L2HGDH: variants seen among roughly 807,000 people sequenced by gnomAD.
The protein encoded by L2HGDH is L-2-hydroxyglutarate dehydrogenase.
A neutral mutation model predicts 51.5 loss-of-function variants in L2HGDH; 34 were observed. The ratio of observed to expected loss-of-function variants is 0.66; its 90% confidence interval spans 0.50 to 0.88. The LOEUF is 0.88. L2HGDH is among the 40% of genes least tolerant of loss of function. The probability of loss-of-function intolerance (pLI) is 0.00; values close to 1 mark genes in which losing one functional copy is unlikely to be tolerated. For synonymous variants in L2HGDH, 198 were observed against 197.9 expected, an observed-to-expected ratio of 1.00 and a Z score of -0.01; for missense variants, 558 against 571.9, an observed-to-expected ratio of 0.98 and a Z score of 0.25.
rs927347496 is a variant in L2HGDH, at chr14:50,246,926, T to C, written c.*132A>G. The C allele has an allele frequency of 7.4e-7, 1 of 1,357,652 alleles. No homozygotes were observed. Among genetic ancestry groups the C allele is most frequent in the East Asian group, 2.5e-5 (1 of 39,476 alleles). The allele number at this position is 1,357,652 out of a possible 1,614,324, so 84.1% of individuals were successfully genotyped here. On this transcript the variant is annotated 3_prime_UTR_variant, in exon 10 of 10. Transcript: ENST00000267436. Reference sequence around the variant, plus strand: ...AATTATTATTTCTATGTTACATCATTTTAACAATGCAGTGGTTATCTTTGA... The same window carrying C: ...AATTATTATTTCTATGTTACATCATCTTAACAATGCAGTGGTTATCTTTGA...
intron 1 of L2HGDH, chr14:50,311,500 A>T: frequency 2.2e-6 from 1 of 456,190 alleles, no homozygotes; most frequent in East Asian, 6.9e-5. Context: ...CAGGACACTG[A>T]ATTCTGCGGG....
At chr14:50,307,581 G>A (rs1388529215) in intron 1 of L2HGDH, among the ~76,000 whole-genome samples, 1 of 152,096 alleles carries the variant, frequency 6.6e-6, no homozygotes. Context: ...GCTTTTTATG[G>A]AAAAGTTCAT....
At chr14:50,293,725 C>T (rs2029879679) in intron 4 of L2HGDH, among the ~76,000 whole-genome samples, 1 of 152,152 alleles carries the variant, frequency 6.6e-6, no homozygotes. Context: ...AATGGCTCCC[C>T]GTGCCTACTG....
At chr14:50,311,261 G>A (rs1008031181) in intron 1 of L2HGDH, 2 of 446,572 alleles carry the variant, frequency 4.5e-6, no homozygotes, top group Non-Finnish European at 9.0e-6. Context: ...TAGAATAAAA[G>A]TCAACGTGTG....
chr14:50,308,996 G>A, intron 1 of L2HGDH, among the ~76,000 whole-genome samples: 1 of 148,210 alleles, frequency 6.7e-6, no homozygotes, highest in Non-Finnish European at 1.5e-5. Flanking sequence ...TATGCTGTGT[G>A]AAAAAAAGCC....
chr14:50,310,846 C>T (rs1385363348), intron 1 of L2HGDH, among the ~76,000 whole-genome samples: 1 of 152,062 alleles, frequency 6.6e-6, no homozygotes, highest in Non-Finnish European at 1.5e-5. Context: ...TCCCACTCTA[C>T]TCCCCCTATC....
Position 50,245,102 on chromosome 14 carries a change from T to C in L2HGDH, c.*1956A>G. ...TACTCATGAGGTGAATGTAAGGCAC[T>C]TTCGCGGTTTACAAAAGTGAATGCC... On this transcript the variant is annotated 3_prime_UTR_variant, in exon 10 of 10. Coordinates refer to ENST00000267436, the MANE Select transcript of L2HGDH (RefSeq NM_024884.3). 1 of 985,842 alleles carries C rather than the reference T, an allele frequency of 1.0e-6. No individual in the cohort carries two copies. The highest frequency in any genetic ancestry group is 1.2e-6 in the Non-Finnish European group (1 of 829,936). The allele number at this position is 985,842 out of a possible 1,614,324, so 61.1% of individuals were successfully genotyped here.
chr14:50,279,760 T>A (rs1422026074), intron 5 of L2HGDH, among the ~76,000 whole-genome samples: 1 of 151,354 alleles, frequency 6.6e-6, no homozygotes, highest in Non-Finnish European at 1.5e-5. Flanking sequence ...CCTTTCATGG[T>A]TCTTGAAACA....
At chr14:50,250,996 G>A (rs902103092) in intron 9 of L2HGDH, among the ~76,000 whole-genome samples, 6 of 152,102 alleles carry the variant, frequency 3.9e-5, no homozygotes, top group Non-Finnish European at 7.4e-5. Flanking sequence ...CACCATCCAG[G>A]AATACATAAC....
intron 7 of L2HGDH, among the ~76,000 whole-genome samples, chr14:50,268,306 G>A (rs981470249): frequency 6.7e-6 from 1 of 149,846 alleles, no homozygotes; most frequent in African/African-American, 2.5e-5. Context: ...TTAAACCCAG[G>A]AGATGGAGGT....
chr14:50,304,987 C>T (rs74919337), intron 1 of L2HGDH, among the ~76,000 whole-genome samples: 278 of 152,230 alleles, frequency 1.8e-3, no homozygotes, highest in African/African-American at 6.4e-3. Flanking sequence ...GCCCTTTCTT[C>T]GAAAAGTGAT....
At chr14:50,250,849 C>A (rs188611387) in intron 9 of L2HGDH, among the ~76,000 whole-genome samples, 2 of 152,352 alleles carry the variant, frequency 1.3e-5, no homozygotes, top group East Asian at 3.9e-4. Flanking sequence ...TGTTATTGGG[C>A]TTGTTACCCA....
chr14:50,308,373 C>T (rs958813612), intron 1 of L2HGDH, among the ~76,000 whole-genome samples: 5 of 128,514 alleles, frequency 3.9e-5, no homozygotes, highest in South Asian at 2.4e-4. Context: ...GGCAACAAGG[C>T]GAAACTCCAT....
At chr14:50,311,824 C>T (rs185145486) in intron 1 of L2HGDH, among the ~76,000 whole-genome samples, 187 bp downstream of exon 1, 2 of 152,348 alleles carry the variant, frequency 1.3e-5, no homozygotes, top group East Asian at 1.9e-4. Context: ...GCCTTTCCTC[C>T]GGCCCGTAAA....
chr14:50,269,068 T>G (rs1440196130), intron 7 of L2HGDH, 95 bp downstream of exon 7: 1 of 1,110,098 alleles, frequency 9.0e-7, no homozygotes, highest in South Asian at 1.3e-5. Context: ...CTTCAAAATT[T>G]CTCTTATTTC....
chr14:50,269,641 C>T (rs946618015), intron 6 of L2HGDH, among the ~76,000 whole-genome samples: 2 of 152,048 alleles, frequency 1.3e-5, no homozygotes, highest in African/African-American at 4.8e-5. Flanking sequence ...ACATACAAAT[C>T]TGTTTATTAG....
intron 6 of L2HGDH, among the ~76,000 whole-genome samples, chr14:50,271,618 A>C (rs1207288541): frequency 1.3e-5 from 2 of 152,110 alleles, no homozygotes; most frequent in African/African-American, 2.4e-5. Context: ...AAGTGGGAGG[A>C]TCACTTGAGC....
chr14:50,270,470 C>G lies in L2HGDH; in HGVS notation c.739-1140G>C, dbSNP rs1172385720. Among the ~76,000 whole-genome samples the G allele has an allele frequency of 2.0e-5, 3 of 150,562 alleles. No individual in the cohort carries two copies. The East Asian group carries it at 5.9e-4, about 29-fold the overall frequency. On this transcript the variant is annotated intron_variant, in intron 6 of 9. Transcript: ENST00000267436. ...GAGTTCTCACCTGTCTCAACATTTTCTTTCTTTCCAGGCCTTACTGTTTTG... is the reference window on the plus strand; with the variant it reads ...GAGTTCTCACCTGTCTCAACATTTTGTTTCTTTCCAGGCCTTACTGTTTTG...
At chr14:50,284,705 T>C (rs879583249) in intron 4 of L2HGDH, among the ~76,000 whole-genome samples, 4 of 152,230 alleles carry the variant, frequency 2.6e-5, no homozygotes, top group Non-Finnish European at 4.4e-5. Context: ...CACCATTTTC[T>C]GTTGCCTTTT....
Sources: gnomAD v4.1 joint callset for allele counts (sites outside exome capture counted in the v4.1 genomes callset) on GRCh38, gnomAD v4.1.1 for gene constraint, MANE v1.5 for transcripts, NCBI Gene and HGNC (gene_info 2026-07-23, HGNC 2026-07-21) for gene names.